CTNNB1: variants seen among roughly 807,000 people sequenced by gnomAD.
CTNNB1 encodes catenin beta-1.
Under a neutral mutation model 82.5 loss-of-function variants are expected in CTNNB1, and 6 were observed. That is an observed-to-expected ratio of 0.07 (90% CI 0.04 to 0.14). CTNNB1 has a LOEUF of 0.14. Ranked by LOEUF, CTNNB1 falls within the 10% of genes least tolerant of loss-of-function variation. CTNNB1 has a pLI of 1.00. For synonymous variants in CTNNB1, 312 were observed against 329.7 expected (o/e 0.95, Z 0.58); for missense variants, 529 against 980.4 (o/e 0.54, Z 6.15).
intron 1 of CTNNB1, among the ~76,000 whole-genome samples, chr3:41,215,580 G>A (rs371095909): frequency 1.3e-5 from 2 of 152,012 alleles, no homozygotes; most frequent in East Asian, 3.9e-4. Flanking sequence ...GTTTCTAAAT[G>A]TACTGTCTCA....
chr3:41,230,161 C>A (rs909332620), intron 7 of CTNNB1, among the ~76,000 whole-genome samples: 1 of 152,158 alleles, frequency 6.6e-6, no homozygotes, highest in Non-Finnish European at 1.5e-5. Flanking sequence ...CAGGTAACTA[C>A]TGGCAGAGGA....
chr3:41,235,370 T>A, intron 10 of CTNNB1: 1 of 269,044 alleles, frequency 3.7e-6, no homozygotes. Flanking sequence ...AGAGGGGGCA[T>A]GTAAAAGAAA....
At chr3:41,214,615 A>G (rs575751574) in intron 1 of CTNNB1, among the ~76,000 whole-genome samples, 3 of 152,246 alleles carry the variant, frequency 2.0e-5, no homozygotes, top group South Asian at 4.2e-4. Context: ...AACCCTTTCT[A>G]TTACAGGTCT....
At chr3:41,228,803 C>G (rs934586488) in intron 7 of CTNNB1, among the ~76,000 whole-genome samples, 1 of 152,132 alleles carries the variant, frequency 6.6e-6, no homozygotes, top group Non-Finnish European at 1.5e-5. Flanking sequence ...TTTGCCAGGT[C>G]TTATGTCCAG....
In CTNNB1 at chr3:41,225,580, A is replaced by T. The variant is rs2125623605; in HGVS notation, c.734+8A>T. The T allele has an allele frequency of 6.2e-7, 1 of 1,614,160 alleles. No individual in the cohort carries two copies. Among genetic ancestry groups the T allele is most frequent in the African/African-American group, 1.3e-5 (1 of 75,058 alleles). On this transcript the variant is annotated splice_region_variant and intron_variant, in intron 5 of 14. Coordinates refer to ENST00000349496, the MANE Select transcript of CTNNB1 (RefSeq NM_001904.4). This position sits in a 1 kb window ranked among gnomAD's most constrained non-coding sequence, Gnocchi z 5.3. Reference sequence around the variant, plus strand: ...CCTGGTGAAAATGCTTGGGTAAGAAAACATGTCAGAATGCTTGAAGCTAAA... The same window carrying T: ...CCTGGTGAAAATGCTTGGGTAAGAATACATGTCAGAATGCTTGAAGCTAAA...
Position 41,213,349 on chromosome 3 carries a change from C to G in CTNNB1, c.-48-10672C>G, listed in dbSNP as rs372673427. On this transcript the variant is annotated intron_variant, in intron 1 of 14. Coordinates refer to ENST00000349496, the MANE Select transcript of CTNNB1 (RefSeq NM_001904.4). ...CAGCTTACATGTTACCTTCAAGAAGCCTTTGACCACTCTAAGTGGGCCCTT... is the reference window on the plus strand; with the variant it reads ...CAGCTTACATGTTACCTTCAAGAAGGCTTTGACCACTCTAAGTGGGCCCTT... 7.2e-5 allele frequency among the ~76,000 whole-genome samples: 11 copies of G among 152,168 alleles called. No homozygotes were observed. The East Asian group carries it at 9.6e-4, about 13-fold the overall frequency.
intron 7 of CTNNB1, among the ~76,000 whole-genome samples, chr3:41,229,876 CTG>C (rs58153157): frequency 0.14 from 20,066 of 146,804 alleles, 2,401 homozygotes; most frequent in African/African-American, 0.31. Flanking sequence ...CTCTTGGGTT[CTG>C]TGTGTGTGTG....
At position 41,235,762 on chromosome 3, in the gene CTNNB1, C is replaced by T. The variant is rs566776791; in HGVS notation, c.1722C>T (p.Thr574=). ...TGGAAGAAATAGTTGAAGGTTGTAC[C>T]GGAGCCCTTCACATCCTAGCTCGGG... The part of the protein sequence containing the change: ...VRMEEIVEGC[T]GALHILARDV... The change falls in exon 11 of 15, where the codon ACC becomes ACT. Residue 574 remains threonine, a synonymous_variant. Coordinates refer to ENST00000349496, the MANE Select transcript of CTNNB1 (RefSeq NM_001904.4). 26 of 1,614,010 alleles carry T rather than the reference C, an allele frequency of 1.6e-5. No homozygotes were observed. The highest frequency in any genetic ancestry group is 9.9e-5 in the South Asian group (9 of 91,072).
At chr3:41,237,068 A>C in intron 13 of CTNNB1, 1 of 385,582 alleles carries the variant, frequency 2.6e-6, no homozygotes, top group Non-Finnish European at 4.6e-6. Flanking sequence ...ACTTTAATAA[A>C]ACTTTTCTAT....
At chr3:41,229,279 C>A (rs898013589) in intron 7 of CTNNB1, among the ~76,000 whole-genome samples, 3 of 152,026 alleles carry the variant, frequency 2.0e-5, no homozygotes, top group African/African-American at 7.2e-5. Flanking sequence ...AGCATTGAAT[C>A]TGTGAATTGC....
rs576492270 is a variant in CTNNB1, at chr3:41,212,954, C to T, written c.-48-11067C>T. Among the ~76,000 whole-genome samples, 4 of 152,294 alleles carry T rather than the reference C, an allele frequency of 2.6e-5. No homozygotes were observed. The South Asian group carries it at 8.3e-4, about 32-fold the overall frequency. On this transcript the variant is annotated intron_variant, in intron 1 of 14. Coordinates refer to ENST00000349496, the MANE Select transcript of CTNNB1 (RefSeq NM_001904.4). ...ATCAGCTGGAATATTGCTATAGCTG[C>T]CTTACAGGTTTCCCTTCTTTCCTGT...
At chr3:41,239,046 A>C (rs2078508724) in intron 14 of CTNNB1, 88 bp from the exon 15 acceptor site, 1 of 1,125,374 alleles carries the variant, frequency 8.9e-7, no homozygotes. Flanking sequence ...TGGATGCCCT[A>C]ACCTCAGTGT....
intron 10 of CTNNB1, chr3:41,234,560 C>A: frequency 4.2e-6 from 2 of 480,718 alleles, no homozygotes; most frequent in South Asian, 4.3e-5. Flanking sequence ...AAAGTGTTCT[C>A]ATTTAATTTA....
intron 1 of CTNNB1, among the ~76,000 whole-genome samples, chr3:41,201,842 A>C (rs770733777): frequency 5.3e-5 from 8 of 152,160 alleles, no homozygotes; most frequent in African/African-American, 1.7e-4. Flanking sequence ...TTCCAGTATT[A>C]AAATTTATCA....
intron 1 of CTNNB1, chr3:41,200,382 G>T (rs1053440822): frequency 1.3e-5 from 2 of 152,144 alleles, no homozygotes; most frequent in Non-Finnish European, 2.9e-5. Flanking sequence ...TACTATGCAG[G>T]TGAGTGAAAG....
intron 7 of CTNNB1, among the ~76,000 whole-genome samples, chr3:41,230,009 T>TC (rs1410092611): frequency 1.3e-5 from 2 of 152,060 alleles, no homozygotes; most frequent in Non-Finnish European, 2.9e-5. Flanking sequence ...CAAATCAGTA[T>TC]TGAAAGAAGG....
At chr3:41,205,312 A>C (rs545956018) in intron 1 of CTNNB1, among the ~76,000 whole-genome samples, 43 of 152,368 alleles carry the variant, frequency 2.8e-4, no homozygotes, top group African/African-American at 1.0e-3. Context: ...CGTTTTACTT[A>C]AATTAATGGC....
At position 41,239,812 on chromosome 3, in the gene CTNNB1, G is replaced by T; in HGVS notation, c.*470G>T. On this transcript the variant is annotated 3_prime_UTR_variant, in exon 15 of 15. Transcript: ENST00000349496. ...TAAACTTTTTGTTCTGGTCCTTTTT[G>T]GTCGAGGAGTAACAATACAAATGGA... 3.6e-6 allele frequency: 1 copy of T among 274,216 alleles called. No homozygotes were observed. Among genetic ancestry groups the T allele is most frequent in the Non-Finnish European group, 7.0e-6 (1 of 142,456 alleles). The allele number at this position is 274,216 out of a possible 1,614,324, so 17.0% of individuals were successfully genotyped here.
chr3:41,233,080 G>T, intron 7 of CTNNB1: 2 of 566,720 alleles, frequency 3.5e-6, no homozygotes, highest in East Asian at 3.0e-5. Flanking sequence ...TTACCTAAGG[G>T]GGACAGTGGA....
Sources: gnomAD v4.1 joint callset for allele counts (sites outside exome capture counted in the v4.1 genomes callset) on GRCh38, gnomAD v4.1.1 for gene constraint, Gnocchi (gnomAD v3.1) non-coding constraint, MANE v1.5 for transcripts, NCBI Gene and HGNC (gene_info 2026-07-23, HGNC 2026-07-21) for gene names.